The following OSCAR variants were observed in gnomAD, a reference collection of about 807,000 sequenced individuals.
The protein encoded by OSCAR is osteoclast-associated immunoglobulin-like receptor.
A neutral mutation model predicts 27.3 loss-of-function variants in OSCAR; 25 were observed. The observed-to-expected ratio is 0.92, with a 90% CI of 0.67 to 1.28. The LOEUF (loss-of-function observed/expected upper bound fraction) is 1.28, where lower values mean the gene tolerates loss of function less well. Ranked by LOEUF, OSCAR falls within the 50% of genes most tolerant of loss-of-function variation. The pLI is 0.00. For missense variants in OSCAR, 354 were observed against 355.1 expected, an observed-to-expected ratio of 1.00 and a Z score of 0.03; for synonymous variants, 158 against 165.7, an observed-to-expected ratio of 0.95 and a Z score of 0.36.
At chr19:54,099,866 G>A in intron 1 of OSCAR, 86 bp from the exon 2 acceptor site, 1 of 1,463,158 alleles carries the variant, frequency 6.8e-7, no homozygotes, top group South Asian at 1.3e-5. Flanking sequence ...AGGCTGGAGT[G>A]TAGTGGTGTG....
At chr19:54,100,213 A>G (rs147873853) in intron 1 of OSCAR, among the ~76,000 whole-genome samples, 57 of 152,234 alleles carry the variant, frequency 3.7e-4, no homozygotes, top group African/African-American at 1.3e-3. Context: ...GGGAAATGAG[A>G]ATCTTATCCC....
chr19:54,095,182 A>C lies in OSCAR; in HGVS notation c.*39T>G. ...AGCCCAGGGTCCCAGCTTCTCCGCC[A>C]CTCAGGTTGGAAGTCTCGGGCTGCA... On this transcript the variant is annotated 3_prime_UTR_variant, in exon 5 of 5. Coordinates refer to ENST00000358375, the MANE Select transcript of OSCAR (RefSeq NM_133169.6). The C allele has an allele frequency of 6.3e-7, 1 of 1,597,418 alleles. No individual in the cohort carries two copies. The highest frequency in any genetic ancestry group is 8.5e-7 in the Non-Finnish European group (1 of 1,171,360).
At chr19:54,096,198 G>A (rs766901208) in intron 3 of OSCAR, 45 bp from the exon 4 acceptor site, 6 of 1,403,462 alleles carry the variant, frequency 4.3e-6, no homozygotes, top group Admixed American at 2.7e-5. Flanking sequence ...AGCGTCTTCC[G>A]CTCGCTCGCT....
chr19:54,095,756 A>G, intron 4 of OSCAR, 116 bp downstream of exon 4: 9 of 1,470,568 alleles, frequency 6.1e-6, no homozygotes, highest in Non-Finnish European at 8.3e-6. Context: ...GCAGGACTAG[A>G]CCCCTGGGTC....
chr19:54,099,814 T>C, intron 1 of OSCAR, 34 bp from the exon 2 acceptor site: 9 of 222,710 alleles, frequency 4.0e-5, no homozygotes, highest in Middle Eastern at 1.2e-3. Context: ...TTCTTTTTCC[T>C]TTTTTTTTTT....
At chr19:54,097,645 A>T (rs993749965) in intron 2 of OSCAR, among the ~76,000 whole-genome samples, 7 of 124,770 alleles carry the variant, frequency 5.6e-5, no homozygotes, top group African/African-American at 2.2e-4. Flanking sequence ...CTCAGGCAGG[A>T]GTGCAGTGGC....
chr19:54,096,351 CCT>C (rs1442008141), intron 3 of OSCAR, among the ~76,000 whole-genome samples, 198 bp from the exon 4 acceptor site: 124 of 107,542 alleles, frequency 1.2e-3, no homozygotes, highest in African/African-American at 4.4e-3. Flanking sequence ...TCTCTGCCTC[CCT>C]CTCTCTCTGC....
chr19:54,096,035 C>G lies in OSCAR; in HGVS notation c.492G>C (p.Glu164Asp). The change falls in exon 4 of 5, where the codon GAG becomes GAC. Residue 164 changes from glutamate to aspartate, a missense_variant. Glu to Asp is a conservative substitution (Grantham distance 45). Transcript: ENST00000358375. ...GGTACTGCAGCGGGGCCGCCACGCC[C>G]TCGCGGTACAGCACGAAGCTCATGT... Reference protein sequence around the residue: ...LRNMSFVLYREGVAAPLQYRH... With the variant: ...LRNMSFVLYRDGVAAPLQYRH... 1 of 1,561,002 alleles carries G rather than the reference C, an allele frequency of 6.4e-7. No homozygotes were observed. The highest frequency in any genetic ancestry group is 2.4e-5 in the East Asian group (1 of 42,482).
At position 54,095,245 on chromosome 19, in the gene OSCAR, G is replaced by A. The variant is rs1360963507; in HGVS notation, c.768C>T (p.Arg256=). The A allele has an allele frequency of 1.9e-6, 3 of 1,611,390 alleles. No individual in the cohort carries two copies. In the African/African-American group the frequency reaches 4.0e-5, roughly 22 times the overall value. Residue 256 remains arginine, a synonymous_variant, in exon 5 of 5, where the codon CGC becomes CGT. Transcript: ENST00000358375. Reference sequence around the variant, plus strand: ...CTCAGGGGCGGATACCAGCAGGAGCGCGGTTCTGACTGCGCCAGTCAAAAG... The same window carrying A: ...CTCAGGGGCGGATACCAGCAGGAGCACGGTTCTGACTGCGCCAGTCAAAAG... ...LVTFDWRSQN[R]APAGIRP is the part of the protein sequence containing the mutation.
chr19:54,097,267 C>G, intron 2 of OSCAR, 103 bp from the exon 3 acceptor site: 1 of 1,168,916 alleles, frequency 8.6e-7, no homozygotes, highest in Non-Finnish European at 1.2e-6. Context: ...ATTACTGCCC[C>G]TTTCTTAGCC....
chr19:54,098,789 C>T (rs1193899571), intron 2 of OSCAR, among the ~76,000 whole-genome samples: 3 of 151,842 alleles, frequency 2.0e-5, no homozygotes, highest in African/African-American at 7.3e-5. Flanking sequence ...AGTTCCAGAC[C>T]AGCCTGACCA....
intron 1 of OSCAR, among the ~76,000 whole-genome samples, chr19:54,100,355 A>G (rs1242235848): frequency 6.6e-6 from 1 of 152,116 alleles, no homozygotes; most frequent in East Asian, 1.9e-4. Flanking sequence ...CCAGGGAACA[A>G]TGATCGTAGA....
At chr19:54,097,583 A>ATT (rs1264021582) in intron 2 of OSCAR, among the ~76,000 whole-genome samples, 1 of 51,330 alleles carries the variant, frequency 1.9e-5, no homozygotes, top group African/African-American at 9.2e-5. Context: ...CCACACCCAG[A>ATT]CTTTTTTTTT....
intron 1 of OSCAR, 57 bp downstream of exon 1, chr19:54,100,697 CCT>C (rs1555783984): frequency 2.6e-6 from 4 of 1,512,610 alleles, no homozygotes; most frequent in South Asian, 1.2e-5. Flanking sequence ...GTCTCCATTG[CCT>C]CTCTCTCTGC....
chr19:54,095,915 G>A lies in OSCAR; in HGVS notation c.612C>T (p.Tyr204=). The A allele has an allele frequency of 6.3e-7, 1 of 1,578,394 alleles. No homozygotes were observed. Among genetic ancestry groups the A allele is most frequent in the Non-Finnish European group, 8.6e-7 (1 of 1,162,384 alleles). ...GCACCTCGCTGCGCTGCGACAGCACGTAGGGCGCGGAGGGCGTGTGATAGT... is the reference window on the plus strand; with the variant it reads ...GCACCTCGCTGCGCTGCGACAGCACATAGGGCGCGGAGGGCGTGTGATAGT... ...SCYYHTPSAP[Y]VLSQRSEVLV... Residue 204 remains tyrosine, a synonymous_variant, in exon 4 of 5, where the codon TAC becomes TAT. Transcript: ENST00000358375.
intron 3 of OSCAR, 52 bp downstream of exon 3, chr19:54,096,810 C>T (rs2072754625): frequency 1.6e-5 from 25 of 1,567,630 alleles, no homozygotes; most frequent in Non-Finnish European, 2.2e-5. Flanking sequence ...CTCTGTCCCT[C>T]CCCCAACTCC....
In OSCAR at chr19:54,096,902, G is replaced by T. The variant is rs747168975; in HGVS notation, c.333C>A (p.Val111=). ...CYRRPDWGPG[V]WSQPSDVLEL... ...CCAGGACATCGCTGGGCTGGGACCAGACACCCGGCCCCCAGTCTGGCCTTC... is the reference window on the plus strand; with the variant it reads ...CCAGGACATCGCTGGGCTGGGACCATACACCCGGCCCCCAGTCTGGCCTTC... Residue 111 remains valine (V), a synonymous_variant, in exon 3 of 5, where the codon GTC becomes GTA. Coordinates refer to ENST00000358375, the MANE Select transcript of OSCAR (RefSeq NM_133169.6). The T allele has an allele frequency of 6.2e-7, 1 of 1,614,036 alleles. No individual in the cohort carries two copies. The highest frequency in any genetic ancestry group is 1.3e-5 in the African/African-American group (1 of 75,008).
intron 1 of OSCAR, among the ~76,000 whole-genome samples, chr19:54,100,095 C>T (rs1367493196): frequency 1.3e-5 from 2 of 152,180 alleles, no homozygotes; most frequent in African/African-American, 2.4e-5. Flanking sequence ...TCGGCTCCCA[C>T]AGGCATGAGC....
chr19:54,099,244 T>TTTTTTGTTTTTGTTTTTG lies in OSCAR; in HGVS notation c.70+503_70+504insCAAAAACAAAAACAAAAA, dbSNP rs1555783355. On this transcript the variant is annotated intron_variant, in intron 2 of 4. Transcript: ENST00000358375. ...CACCCGGCTAATTTTTTTTTTTTTT[T>TTTTTTGTTTTTGTTTTTG]TTTTTTTTTAGTAGAGACGGGGTTT... Among the ~76,000 whole-genome samples the TTTTTTGTTTTTGTTTTTG allele has an allele frequency of 3.0e-5, 4 of 133,194 alleles. No homozygotes were observed. In the East Asian group the frequency reaches 8.8e-4, roughly 29 times the overall value. 87.4% of individuals were successfully genotyped at this position (133,194 alleles called of 152,430 possible).
Sources: allele counts gnomAD v4.1 joint callset (sites outside exome capture counted in the v4.1 genomes callset), GRCh38; gene constraint gnomAD v4.1.1; transcripts MANE v1.5; gene names NCBI Gene and HGNC (gene_info 2026-07-23, HGNC 2026-07-21).